Variants in DNAH11 observed in about 807,000 individuals in gnomAD.
DNAH11 encodes dynein axonemal heavy chain 11, also known as axonemal beta dynein heavy chain 11.
Under a neutral mutation model 526.0 loss-of-function variants are expected in DNAH11, and 442 were observed. That is an observed-to-expected ratio of 0.84 (90% CI 0.78 to 0.91). The LOEUF (loss-of-function observed/expected upper bound fraction) is 0.91, where lower values mean the gene tolerates loss of function less well. DNAH11 is among the 40% of genes least tolerant of loss of function. DNAH11 has a pLI of 0.00. For synonymous variants in DNAH11, 2,461 were observed against 1,935.9 expected (o/e 1.27, Z -7.12); for missense variants, 6,989 against 5,448.7 (o/e 1.28, Z -8.90).
chr7:21,697,102 G>C (rs1783886875), intron 35 of DNAH11, among the ~76,000 whole-genome samples: 1 of 152,104 alleles, frequency 6.6e-6, no homozygotes, highest in African/African-American at 2.4e-5. Context: ...TATGCATGAA[G>C]TAGACTGCAA....
intron 8 of DNAH11, among the ~76,000 whole-genome samples, chr7:21,574,864 G>A (rs1312744381): frequency 8.4e-6 from 1 of 119,600 alleles, no homozygotes; most frequent in Non-Finnish European, 1.7e-5. Context: ...CCACTGCACT[G>A]GGCTTTTTTT....
Position 21,658,921 on chromosome 7 carries a change from C to T in DNAH11, c.5218C>T (p.Gln1740Ter), listed in dbSNP as rs958055112. 5 of 1,610,408 alleles carry T rather than the reference C, an allele frequency of 3.1e-6. No individual in the cohort carries two copies. The African/African-American group carries it at 4.0e-5, about 13-fold the overall frequency. ...RELWIFDFPA[Q>*]VALTSSQIWW... ...ACTGTGGATTTTTGATTTCCCAGCT[C>T]AGGTTGCACTAACCAGCTCACAAAT... The change falls in exon 30 of 82, where the codon CAG becomes TAG. Residue 1740 changes from glutamine (Q) to a stop codon, truncating the protein, a stop_gained. Coordinates refer to ENST00000409508, the MANE Select transcript of DNAH11 (RefSeq NM_001277115.2). LOFTEE classifies it high-confidence loss of function.
intron 30 of DNAH11, among the ~76,000 whole-genome samples, chr7:21,673,106 T>C (rs1422422828): frequency 6.6e-6 from 1 of 152,220 alleles, no homozygotes; most frequent in African/African-American, 2.4e-5. Context: ...TCTATGTTTA[T>C]ATAAATAAGA....
At chr7:21,632,220 C>G (rs1011666262) in intron 25 of DNAH11, among the ~76,000 whole-genome samples, 1 of 152,178 alleles carries the variant, frequency 6.6e-6, no homozygotes, top group East Asian at 1.9e-4. Context: ...CTGGGCCTGG[C>G]CCAGGAAACC....
At chr7:21,676,808 T>C (rs1248020515) in intron 30 of DNAH11, among the ~76,000 whole-genome samples, 1 of 152,236 alleles carries the variant, frequency 6.6e-6, no homozygotes, top group Non-Finnish European at 1.5e-5. Flanking sequence ...GATTGGATAC[T>C]GCAAAGACCG....
At chr7:21,610,321 G>A (rs1785469684) in intron 20 of DNAH11, among the ~76,000 whole-genome samples, 1 of 152,040 alleles carries the variant, frequency 6.6e-6, no homozygotes. Context: ...TTCTCACAAG[G>A]GTCTATGGTC....
At chr7:21,821,766 A>G (rs1439869619) in intron 65 of DNAH11, among the ~76,000 whole-genome samples, 1 of 152,070 alleles carries the variant, frequency 6.6e-6, no homozygotes, top group Non-Finnish European at 1.5e-5. Flanking sequence ...ATTGGTAACT[A>G]TAACTTTCCT....
chr7:21,854,692 G>A (rs191511946), intron 68 of DNAH11, among the ~76,000 whole-genome samples: 145 of 152,006 alleles, frequency 9.5e-4, no homozygotes, highest in African/African-American at 3.3e-3. Context: ...ACAGGAGTGC[G>A]CCACCACACC....
At chr7:21,804,275 A>AT (rs1312927059) in intron 62 of DNAH11, among the ~76,000 whole-genome samples, 2 of 151,764 alleles carry the variant, frequency 1.3e-5, no homozygotes, top group Non-Finnish European at 2.9e-5. Flanking sequence ...CATCCGGCTA[A>AT]TTTTTTTGTA....
chr7:21,761,632 G>C (rs568392981), intron 54 of DNAH11, among the ~76,000 whole-genome samples: 9 of 152,166 alleles, frequency 5.9e-5, no homozygotes, highest in Non-Finnish European at 1.2e-4. Context: ...GTCTGGAGTT[G>C]GTCCAAGGAT....
chr7:21,744,822 C>T, intron 50 of DNAH11, 48 bp from the exon 51 acceptor site: 3 of 1,561,116 alleles, frequency 1.9e-6, no homozygotes, highest in Middle Eastern at 1.7e-4. Context: ...GCAGCTGGAC[C>T]TCTATGGATG....
chr7:21,576,735 T>G (rs1258801789), intron 8 of DNAH11, among the ~76,000 whole-genome samples: 3 of 152,184 alleles, frequency 2.0e-5, no homozygotes, highest in Non-Finnish European at 4.4e-5. Flanking sequence ...AAAGACAGAA[T>G]TCTTAAGTGT....
chr7:21,694,289 A>G (rs1015941635), intron 35 of DNAH11, among the ~76,000 whole-genome samples: 1 of 152,092 alleles, frequency 6.6e-6, no homozygotes, highest in Admixed American at 6.6e-5. Context: ...CCATCAACCC[A>G]TCATCTAGGT....
At chr7:21,834,234 A>T (rs1781901492) in intron 65 of DNAH11, among the ~76,000 whole-genome samples, 1 of 152,196 alleles carries the variant, frequency 6.6e-6, no homozygotes, top group Admixed American at 6.5e-5. Flanking sequence ...CTTGGAGATT[A>T]AAAAATGTAC....
At chr7:21,583,751 C>T (rs749804328) in intron 9 of DNAH11, among the ~76,000 whole-genome samples, 1 of 152,014 alleles carries the variant, frequency 6.6e-6, no homozygotes, top group Non-Finnish European at 1.5e-5. Context: ...AAAACAACCC[C>T]ATCAAAAAGT....
rs569321885 is a variant in DNAH11, at chr7:21,742,622, G to A, written c.8154+456G>A. Among the ~76,000 whole-genome samples the A allele has an allele frequency of 3.7e-3, 569 of 152,282 alleles. 1 individual carries two copies. The highest frequency in any genetic ancestry group is 0.029 in the South Asian group (139 of 4,820). On this transcript the variant is annotated intron_variant, in intron 49 of 81. Coordinates refer to ENST00000409508, the MANE Select transcript of DNAH11 (RefSeq NM_001277115.2). Reference sequence around the variant, plus strand: ...ATCGCATTTCAACCTGAGATTTGGAGGGGGCACACATCCAAACCATTACCA... The same window carrying A: ...ATCGCATTTCAACCTGAGATTTGGAAGGGGCACACATCCAAACCATTACCA...
chr7:21,715,628 A>G (rs537217020), intron 42 of DNAH11, among the ~76,000 whole-genome samples: 1 of 152,270 alleles, frequency 6.6e-6, no homozygotes, highest in Admixed American at 6.5e-5. Context: ...TATATGAAGC[A>G]GTGTTGTAAG....
intron 65 of DNAH11, among the ~76,000 whole-genome samples, chr7:21,823,201 C>T (rs1156715653): frequency 6.6e-6 from 1 of 151,932 alleles, no homozygotes; most frequent in East Asian, 1.9e-4. Context: ...TTTTAACAAG[C>T]TTTTTCAAAT....
Position 21,681,512 on chromosome 7 carries a change from C to G in DNAH11, c.5329-34C>G, listed in dbSNP as rs11975280. Reference sequence around the variant, plus strand: ...GGCTCTTAAATTCTGTATTTGTAACCCTTCTCTCCTTTTTAAAAAATGATT... The same window carrying G: ...GGCTCTTAAATTCTGTATTTGTAACGCTTCTCTCCTTTTTAAAAAATGATT... On this transcript the variant is annotated intron_variant, in intron 30 of 81. Coordinates refer to ENST00000409508, the MANE Select transcript of DNAH11 (RefSeq NM_001277115.2). 0.089 allele frequency: 142,076 copies of G among 1,598,838 alleles called. 7,475 individuals carry two copies. The highest frequency in any genetic ancestry group is 0.23 in the African/African-American group (16,900 of 74,480).
Sources: gnomAD v4.1 joint callset for allele counts (sites outside exome capture counted in the v4.1 genomes callset) on GRCh38, gnomAD v4.1.1 for gene constraint, MANE v1.5 for transcripts, NCBI Gene and HGNC (gene_info 2026-07-23, HGNC 2026-07-21) for gene names.